The following CACNA1A variants were observed in gnomAD, a reference collection of about 807,000 sequenced individuals.
CACNA1A encodes voltage-dependent P/Q-type calcium channel subunit alpha-1A.
In CACNA1A, 57 loss-of-function variants were observed where a neutral mutation model predicts 262.4. The ratio of observed to expected loss-of-function variants is 0.22; its 90% confidence interval spans 0.18 to 0.27. CACNA1A has a LOEUF of 0.27. Ranked by LOEUF, CACNA1A falls within the 10% of genes least tolerant of loss-of-function variation. CACNA1A has a pLI of 1.00. For synonymous variants in CACNA1A, 1,431 were observed against 1,419.3 expected (o/e 1.01, Z -0.18); for missense variants, 2,526 against 3,562.8 (o/e 0.71, Z 7.41).
rs1064794263 is a variant in CACNA1A, at chr19:13,312,743, C to T, written c.1594G>A (p.Glu532Lys). Residue 532 changes from glutamate to lysine, a missense_variant, in exon 12 of 47, where the codon GAA becomes AAA. Glu to Lys is a moderately conservative substitution (Grantham distance 56). Transcript: ENST00000360228. ...EFIFLGLFMSEMFIKMYGLGT... is the reference protein window; with the variant it reads ...EFIFLGLFMSKMFIKMYGLGT... ...AGCCCGTACATTTTTATAAACATTT[C>T]GGACATAAAGAGTCCTAAGAAAATG... The T allele has an allele frequency of 1.9e-6, 3 of 1,591,312 alleles. No homozygotes were observed. Among genetic ancestry groups the T allele is most frequent in the Non-Finnish European group, 2.6e-6 (3 of 1,170,752 alleles).
intron 6 of CACNA1A, among the ~76,000 whole-genome samples, chr19:13,337,683 G>T (rs996582363): frequency 7.2e-5 from 10 of 138,782 alleles, no homozygotes; most frequent in African/African-American, 2.7e-4. Context: ...TGAAAAATTG[G>T]TTGAGAGTTT....
At chr19:13,293,074 C>T (rs531643276) in intron 19 of CACNA1A, among the ~76,000 whole-genome samples, 2 of 152,246 alleles carry the variant, frequency 1.3e-5, no homozygotes, top group African/African-American at 4.8e-5. Context: ...GAGCAGGAAC[C>T]ATCTGTGGGA....
intron 1 of CACNA1A, among the ~76,000 whole-genome samples, chr19:13,487,440 G>A (rs1655544682): frequency 6.6e-6 from 1 of 152,058 alleles, no homozygotes; most frequent in South Asian, 2.1e-4. Context: ...CCCAAAATCA[G>A]AATAGGTCAA....
chr19:13,279,823 T>C (rs1325635172), intron 22 of CACNA1A, among the ~76,000 whole-genome samples: 2 of 151,722 alleles, frequency 1.3e-5, no homozygotes, highest in Non-Finnish European at 2.9e-5. Flanking sequence ...TTATATATAT[T>C]TTGGAGACAG....
chr19:13,303,270 C>T (rs1014506091), intron 17 of CACNA1A, among the ~76,000 whole-genome samples: 12 of 152,198 alleles, frequency 7.9e-5, no homozygotes, highest in African/African-American at 2.4e-4. Flanking sequence ...TCCCTGTAAA[C>T]GGCCTTTTGG....
Position 13,506,175 on chromosome 19 carries a change from G to GAGCCTCCTCCCCCGT in CACNA1A, c.35_49dup (p.Tyr12_Gly16dup). Reference sequence around the variant, plus strand: ...CACGACCACCCCGGCGGCTGCCCCGGAGCCTCCTCCCCCGTAGCGGGCCGG... The same window carrying GAGCCTCCTCCCCCGT: ...CACGACCACCCCGGCGGCTGCCCCGGAGCCTCCTCCCCCGTAGCCTCCTCCCCCGTAGCGGGCCGG... On this transcript the variant is annotated inframe_insertion, in exon 1 of 47. Transcript: ENST00000360228. The GAGCCTCCTCCCCCGT allele has an allele frequency of 6.5e-7, 1 of 1,532,746 alleles. No homozygotes were observed. The highest frequency in any genetic ancestry group is 8.8e-7 in the Non-Finnish European group (1 of 1,140,698). 94.9% of individuals were successfully genotyped at this position (1,532,746 alleles called of 1,614,324 possible).
rs927892796 is a variant in CACNA1A, at chr19:13,245,123, C to A, written c.4950+59G>T. ...TGCCTCTGGGACCGCTCCCCCGCCCCCTGCCGCCTGCCTCGTCCAGCCCAG... is the reference window on the plus strand; with the variant it reads ...TGCCTCTGGGACCGCTCCCCCGCCCACTGCCGCCTGCCTCGTCCAGCCCAG... On this transcript the variant is annotated intron_variant, in intron 31 of 46. Coordinates refer to ENST00000360228, the MANE Select transcript of CACNA1A (RefSeq NM_001127222.2). The A allele has an allele frequency of 2.2e-6, 3 of 1,375,894 alleles. No individual in the cohort carries two copies. In the African/African-American group the frequency reaches 4.3e-5, roughly 20 times the overall value. The allele number at this position is 1,375,894 out of a possible 1,614,324, so 85.2% of individuals were successfully genotyped here. A position where few individuals can be genotyped will look rare whatever the true frequency, so the allele number is the denominator to read the frequency against.
chr19:13,399,772 G>A (rs534127375), intron 3 of CACNA1A, among the ~76,000 whole-genome samples: 3 of 152,260 alleles, frequency 2.0e-5, no homozygotes, highest in South Asian at 4.2e-4. Flanking sequence ...CAGACATCAT[G>A]GTCATGTTTC....
At chr19:13,376,123 T>G (rs1444964555) in intron 3 of CACNA1A, among the ~76,000 whole-genome samples, 2 of 152,170 alleles carry the variant, frequency 1.3e-5, no homozygotes, top group East Asian at 3.8e-4. Context: ...AATATAAAAG[T>G]GCAAGGTGAA....
Position 13,286,907 on chromosome 19 carries a change from A to G in CACNA1A, c.3149T>C (p.Ile1050Thr), listed in dbSNP as rs2057414053. The change falls in exon 20 of 47, where the codon ATC (isoleucine) becomes ACC (threonine). Residue 1050 changes from isoleucine (I) to threonine (T), a missense_variant. Physicochemically the swap from Ile to Thr is moderately conservative, Grantham distance 89 (BLOSUM62 -1). Coordinates refer to ENST00000360228, the MANE Select transcript of CACNA1A (RefSeq NM_001127222.2). ...SGPNLSTTRP[I>T]QQDLGRQDPP... is the part of the protein sequence containing the mutation. ...GTCTTGGCGGCCCAGGTCCTGCTGG[A>G]TTGGCCGGGTGGTTGACAGGTTGGG... 1.9e-6 allele frequency: 3 copies of G among 1,612,920 alleles called. No homozygotes were observed. Among genetic ancestry groups the G allele is most frequent in the Non-Finnish European group, 2.5e-6 (3 of 1,179,750 alleles).
chr19:13,227,869 T>C (rs551776875), intron 36 of CACNA1A, among the ~76,000 whole-genome samples: 19 of 149,672 alleles, frequency 1.3e-4, no homozygotes, highest in African/African-American at 4.7e-4. Flanking sequence ...AATTCTCACT[T>C]TGGAAGACGT....
chr19:13,373,706 T>A (rs554073513), intron 3 of CACNA1A, among the ~76,000 whole-genome samples: 1 of 152,218 alleles, frequency 6.6e-6, no homozygotes, highest in Non-Finnish European at 1.5e-5. Flanking sequence ...TGGGTCATCC[T>A]AAACTAACAC....
chr19:13,240,435 G>C (rs1484544472), intron 31 of CACNA1A, among the ~76,000 whole-genome samples: 2 of 151,790 alleles, frequency 1.3e-5, no homozygotes, highest in Non-Finnish European at 1.5e-5. Context: ...TAGTGACAGT[G>C]TGTGCAGTGT....
chr19:13,433,210 A>G (rs1050256581), intron 3 of CACNA1A, among the ~76,000 whole-genome samples: 3 of 151,180 alleles, frequency 2.0e-5, no homozygotes, highest in East Asian at 1.9e-4. Context: ...GGAGAATGGC[A>G]TGAACCTGGG....
chr19:13,313,790 C>A (rs1182297810), intron 11 of CACNA1A, among the ~76,000 whole-genome samples: 1 of 152,120 alleles, frequency 6.6e-6, no homozygotes. Context: ...GTGCTGTGAT[C>A]TAACAATTAT....
At chr19:13,426,733 A>T (rs1224267628) in intron 3 of CACNA1A, among the ~76,000 whole-genome samples, 1 of 152,142 alleles carries the variant, frequency 6.6e-6, no homozygotes, top group East Asian at 1.9e-4. Flanking sequence ...TCATTTGACA[A>T]ATAAGTAAAC....
intron 6 of CACNA1A, among the ~76,000 whole-genome samples, chr19:13,341,957 T>C (rs2058682822): frequency 1.3e-5 from 2 of 152,190 alleles, no homozygotes; most frequent in Non-Finnish European, 2.9e-5. Context: ...GTCTGTTGAA[T>C]GACTGATTGA....
Position 13,335,975 on chromosome 19 carries a change from A to G in CACNA1A, c.979-66T>C. On this transcript the variant is annotated intron_variant, in intron 6 of 46. Transcript: ENST00000360228. ...GGACTCAGATAGAACCTGACAGGTG[A>G]GGGAAGGGGAAGCTCGGTTCTCTTG... is the stretch of plus-strand genomic sequence containing the variant. 3 of 921,140 alleles carry G rather than the reference A, an allele frequency of 3.3e-6. No individual in the cohort carries two copies. In the South Asian group the frequency reaches 4.4e-5, roughly 14 times the overall value. 57.1% of individuals were successfully genotyped at this position (921,140 alleles called of 1,614,324 possible).
At chr19:13,263,005 G>T (rs564940474) in intron 24 of CACNA1A, 172 bp from the exon 25 acceptor site, 1 of 608,114 alleles carries the variant, frequency 1.6e-6, no homozygotes, top group African/African-American at 1.8e-5. Context: ...CACCTGTTAA[G>T]CTTGGGCTCG....
Sources: gnomAD v4.1 joint callset for allele counts (sites outside exome capture counted in the v4.1 genomes callset) on GRCh38, gnomAD v4.1.1 for gene constraint, MANE v1.5 for transcripts, NCBI Gene and HGNC (gene_info 2026-07-23, HGNC 2026-07-21) for gene names.